The following NR2C2 variants were observed in gnomAD, a reference collection of about 807,000 sequenced individuals.
NR2C2 encodes the protein Nuclear hormone receptor TR4.
Under a neutral mutation model 62.9 loss-of-function variants are expected in NR2C2, and 6 were observed. The observed-to-expected ratio is 0.10, with a 90% CI of 0.05 to 0.19. The LOEUF (loss-of-function observed/expected upper bound fraction) is 0.19, where lower values mean the gene tolerates loss of function less well. NR2C2 is among the 10% of genes least tolerant of loss of function. The pLI is 1.00. For missense variants in NR2C2, 479 were observed against 762.7 expected (o/e 0.63, Z 4.38); for synonymous variants, 272 against 273.8 (o/e 0.99, Z 0.07).
chr3:14,985,951 T>TC (rs1389326557), intron 1 of NR2C2, among the ~76,000 whole-genome samples: 1 of 152,102 alleles, frequency 6.6e-6, no homozygotes, highest in African/African-American at 2.4e-5. Flanking sequence ...TTCTTTTTTT[T>TC]CCCAACAGTT....
At chr3:14,969,590 A>G (rs1029670463) in intron 1 of NR2C2, among the ~76,000 whole-genome samples, 1 of 152,180 alleles carries the variant, frequency 6.6e-6, no homozygotes, top group Non-Finnish European at 1.5e-5. Flanking sequence ...GAAATTTAGG[A>G]GTTAACTTGC....
At chr3:14,993,448 C>T (rs933366637) in intron 1 of NR2C2, among the ~76,000 whole-genome samples, 1 of 148,232 alleles carries the variant, frequency 6.7e-6, no homozygotes, top group South Asian at 2.1e-4. Context: ...GAGCAAAACT[C>T]CATCTCAAAA....
intron 1 of NR2C2, among the ~76,000 whole-genome samples, chr3:15,002,439 G>A (rs2041035054): frequency 6.6e-6 from 1 of 152,014 alleles, no homozygotes; most frequent in African/African-American, 2.4e-5. Context: ...TATTCGTGGT[G>A]TATAATCCTT....
intron 1 of NR2C2, among the ~76,000 whole-genome samples, chr3:14,971,825 T>G (rs931587538): frequency 1.3e-5 from 2 of 150,982 alleles, no homozygotes; most frequent in South Asian, 2.1e-4. Flanking sequence ...TTTTTTTTTT[T>G]GAGACAGAGT....
intron 1 of NR2C2, among the ~76,000 whole-genome samples, chr3:14,985,273 AT>A (rs1213444025): frequency 6.6e-6 from 1 of 152,016 alleles, no homozygotes; most frequent in African/African-American, 2.4e-5. Flanking sequence ...TGAAGAATAG[AT>A]TTTTTTATTT....
Position 15,024,133 on chromosome 3 carries a change from T to G in NR2C2, c.723T>G (p.Asp241Glu), listed in dbSNP as rs145414944. 1.9e-6 allele frequency: 3 copies of G among 1,612,802 alleles called. No homozygotes were observed. The African/African-American group carries it at 4.0e-5, about 22-fold the overall frequency. The change falls in exon 7 of 14, where the codon GAT becomes GAG. Residue 241 changes from aspartate (D) to glutamate (E), a missense_variant. Physicochemically the swap from Asp to Glu is conservative, Grantham distance 45 (BLOSUM62 2). Around this residue, in one of 4 missense-constraint regions of NR2C2, gnomAD observed 151 missense variants for 176.1 expected, o/e 0.86. Transcript: ENST00000425241. ...TAAATAGACAAACAGGTCTTCTTGA[T>G]CCAGGGATGCTTGTGAACATCCAGC... ...KDGARQTGLL[D>E]PGMLVNIQQP...
At chr3:14,987,938 CT>C (rs1264187449) in intron 1 of NR2C2, among the ~76,000 whole-genome samples, 2 of 152,200 alleles carry the variant, frequency 1.3e-5, no homozygotes, top group East Asian at 3.8e-4. Context: ...ACATAACCTG[CT>C]TTGATCATTA....
In NR2C2 at chr3:15,021,017, C is replaced by A. The variant is rs755872651; in HGVS notation, c.556+85C>A. On this transcript the variant is annotated intron_variant, in intron 5 of 13. Transcript: ENST00000425241. ...CATTAAATAAGGTTTCTATACCTGG[C>A]CTTAAAATACTTTAAGAAAAAAATA... The A allele has an allele frequency of 1.6e-4, 205 of 1,308,742 alleles. 1 individual carries two copies. Among genetic ancestry groups the A allele is most frequent in the Middle Eastern group, 4.2e-4 (2 of 4,790 alleles). 81.1% of individuals were successfully genotyped at this position (1,308,742 alleles called of 1,614,324 possible). A position where few individuals can be genotyped will look rare whatever the true frequency, so the allele number is the denominator to read the frequency against.
intron 1 of NR2C2, among the ~76,000 whole-genome samples, chr3:14,984,007 G>A (rs2040447700): frequency 6.6e-6 from 1 of 152,154 alleles, no homozygotes; most frequent in Non-Finnish European, 1.5e-5. Context: ...TCCTGCCTCA[G>A]CCTCCCGAGT....
chr3:15,010,963 A>G (rs1192429216), intron 2 of NR2C2, among the ~76,000 whole-genome samples: 3 of 152,204 alleles, frequency 2.0e-5, no homozygotes, highest in Admixed American at 6.5e-5. Context: ...CCTTGGTTTT[A>G]GTTGGTAATT....
At chr3:14,976,602 C>CTTTTTTTTTTTTTTTTTTTT (rs533538010) in intron 1 of NR2C2, among the ~76,000 whole-genome samples, 4 of 90,740 alleles carry the variant, frequency 4.4e-5, no homozygotes, top group African/African-American at 2.0e-4. Flanking sequence ...TCCTTCCTTC[C>CTTTTTTTTTTTTTTTTTTTT]TTTTTTTTTT....
intron 4 of NR2C2, among the ~76,000 whole-genome samples, chr3:15,017,002 G>A: frequency 6.6e-6 from 1 of 152,222 alleles, no homozygotes; most frequent in East Asian, 1.9e-4. Context: ...CAAGAACACA[G>A]TACCAGGAAT....
chr3:15,016,342 G>A (rs1024626627), intron 4 of NR2C2, 88 bp downstream of exon 4: 2 of 900,894 alleles, frequency 2.2e-6, no homozygotes, highest in Non-Finnish European at 3.6e-6. Flanking sequence ...TAATTTAGAA[G>A]GACCATTTTA....
rs541686657 is a variant in NR2C2 at position 15,010,711 on chromosome 3, CAA to C, written c.73-2862_73-2861del. On this transcript the variant is annotated intron_variant, in intron 2 of 13. Coordinates refer to ENST00000425241, the MANE Select transcript of NR2C2 (RefSeq NM_001291694.2). Reference sequence around the variant, plus strand: ...TGGGTAACAGAACAAGACCCTGTCTCAAAAAAAAAAAAAAAAATTCTGAGCCT... The same window carrying C: ...TGGGTAACAGAACAAGACCCTGTCTCAAAAAAAAAAAAAAATTCTGAGCCT... Among the ~76,000 whole-genome samples, 368 of 125,974 alleles carry C rather than the reference CAA, an allele frequency of 2.9e-3. 2 individuals carry two copies. The highest frequency in any genetic ancestry group is 9.0e-3 in the African/African-American group (318 of 35,182). The allele number at this position is 125,974 out of a possible 152,430, so 82.6% of individuals were successfully genotyped here. A position where few individuals can be genotyped will look rare whatever the true frequency, so the allele number is the denominator to read the frequency against.
At chr3:14,990,531 C>T in intron 1 of NR2C2, among the ~76,000 whole-genome samples, 1 of 152,212 alleles carries the variant, frequency 6.6e-6, no homozygotes, top group Non-Finnish European at 1.5e-5. Context: ...ACAGCCCTGT[C>T]TGGTTTGGGT....
intron 1 of NR2C2, among the ~76,000 whole-genome samples, chr3:14,990,890 G>A (rs1188481411): frequency 2.0e-5 from 3 of 152,186 alleles, no homozygotes; most frequent in African/African-American, 7.2e-5. Context: ...TAAGCTCTTA[G>A]CAAATCGTTT....
chr3:15,004,789 T>C (rs1390483862), intron 2 of NR2C2, among the ~76,000 whole-genome samples: 1 of 152,270 alleles, frequency 6.6e-6, no homozygotes, highest in Admixed American at 6.5e-5. Context: ...GCTCTGTTGT[T>C]AGTTGCATAT....
At chr3:14,949,499 C>T (rs919925636) in intron 1 of NR2C2, among the ~76,000 whole-genome samples, 2 of 152,098 alleles carry the variant, frequency 1.3e-5, no homozygotes, top group Admixed American at 6.5e-5. Flanking sequence ...AATATAGCAA[C>T]GGTAGTGAGG....
At chr3:14,994,142 T>C (rs956088213) in intron 1 of NR2C2, among the ~76,000 whole-genome samples, 1 of 151,996 alleles carries the variant, frequency 6.6e-6, no homozygotes, top group Non-Finnish European at 1.5e-5. Context: ...ACTTTTTGAA[T>C]AGTGTTTTTA....
Sources: gnomAD v4.1 joint callset for allele counts (sites outside exome capture counted in the v4.1 genomes callset) on GRCh38, gnomAD v4.1.1 for gene constraint, gnomAD v4.1.1 regional missense constraint, MANE v1.5 for transcripts, NCBI Gene and HGNC (gene_info 2026-07-23, HGNC 2026-07-21) for gene names.